The following SPMIP7 variants were observed in gnomAD, a reference collection of about 807,000 sequenced individuals.
The protein encoded by SPMIP7 is sperm microtubule inner protein 7.
chr7:50,112,511 G>C, the SPMIP7 span, among the ~76,000 whole-genome samples: 1 of 64,326 alleles, frequency 1.6e-5, no homozygotes, highest in Non-Finnish European at 3.6e-5. Flanking sequence ...AAGAAAGCAC[G>C]AAAAGAAAAA....
chr7:50,140,098 T>C, the SPMIP7 span: 1 of 1,338,092 alleles, frequency 7.5e-7, no homozygotes, highest in South Asian at 1.4e-5. Flanking sequence ...GTTTATTAAC[T>C]TAATATAAAT....
chr7:50,151,632 A>G, the SPMIP7 span: 1 of 1,008,168 alleles, frequency 9.9e-7, no homozygotes, highest in Admixed American at 3.0e-5. Context: ...TATTCCATTA[A>G]AGAACAATTA....
the SPMIP7 span, among the ~76,000 whole-genome samples, chr7:50,140,445 C>G: frequency 6.6e-6 from 1 of 152,188 alleles, no homozygotes; most frequent in South Asian, 2.1e-4. Flanking sequence ...TTCTGTTTTT[C>G]CAAATACATT....
the SPMIP7 span, among the ~76,000 whole-genome samples, chr7:50,155,323 GTAGACATT>G: frequency 1.4e-3 from 220 of 152,288 alleles, no homozygotes; most frequent in African/African-American, 5.0e-3. Flanking sequence ...GGCAAAGCTG[GTAGACATT>G]TAGACAAGTA....
chr7:50,100,858 A>T, the SPMIP7 span, among the ~76,000 whole-genome samples: 3 of 146,886 alleles, frequency 2.0e-5, no homozygotes, highest in South Asian at 6.5e-4. Context: ...AAAATAAAAT[A>T]AAATCGTTTT....
At chr7:50,125,239 CACATATATACACAT>C in the SPMIP7 span, among the ~76,000 whole-genome samples, 1 of 30,466 alleles carries the variant, frequency 3.3e-5, no homozygotes, top group Non-Finnish European at 7.9e-5. Flanking sequence ...CATATATATA[CACATATATACACAT>C]ATATATACAC....
the SPMIP7 span, among the ~76,000 whole-genome samples, chr7:50,145,484 C>A: frequency 6.7e-6 from 1 of 148,162 alleles, no homozygotes; most frequent in Non-Finnish European, 1.5e-5. Context: ...GATCTCTGTC[C>A]TTTCCCAAGG....
the SPMIP7 span, among the ~76,000 whole-genome samples, chr7:50,145,606 G>GTATGTATATA: frequency 2.6e-5 from 1 of 37,968 alleles, no homozygotes; most frequent in Non-Finnish European, 5.6e-5. Context: ...GTGTGTGTGT[G>GTATGTATATA]TATATGTGTG....
chr7:50,103,966 T>C, the SPMIP7 span, among the ~76,000 whole-genome samples: 1 of 152,260 alleles, frequency 6.6e-6, no homozygotes, highest in African/African-American at 2.4e-5. Flanking sequence ...TTAGGACTTC[T>C]AATCTATCAT....
chr7:50,122,142 T>C, the SPMIP7 span, among the ~76,000 whole-genome samples: 3 of 152,202 alleles, frequency 2.0e-5, no homozygotes, highest in Admixed American at 6.5e-5. Flanking sequence ...CCTTTTAAGG[T>C]TCATATGATT....
the SPMIP7 span, among the ~76,000 whole-genome samples, chr7:50,138,749 T>A: frequency 6.9e-6 from 1 of 145,886 alleles, no homozygotes; most frequent in Non-Finnish European, 1.5e-5. Context: ...CAGTATAAAG[T>A]GACCTTTAAA....
chr7:50,135,745 A>G, the SPMIP7 span, among the ~76,000 whole-genome samples: 8 of 152,204 alleles, frequency 5.3e-5, no homozygotes, highest in African/African-American at 1.9e-4. Context: ...GAAGTGGGAA[A>G]CTGGCCTGGG....
the SPMIP7 span, among the ~76,000 whole-genome samples, chr7:50,102,911 G>T: frequency 1.3e-5 from 2 of 150,230 alleles, no homozygotes; most frequent in African/African-American, 4.9e-5. Flanking sequence ...CAGATGGGTC[G>T]AATAACTCAT....
the SPMIP7 span, among the ~76,000 whole-genome samples, chr7:50,157,705 G>A: frequency 1.3e-5 from 2 of 152,142 alleles, no homozygotes; most frequent in African/African-American, 4.8e-5. Context: ...TGCATTGTGT[G>A]TGTAATTCAG....
At chr7:50,104,075 A>G in the SPMIP7 span, among the ~76,000 whole-genome samples, 1 of 152,198 alleles carries the variant, frequency 6.6e-6, no homozygotes, top group Non-Finnish European at 1.5e-5. Flanking sequence ...CCAAATAGGT[A>G]TCTTCTAATA....
At chr7:50,143,115 T>C in the SPMIP7 span, among the ~76,000 whole-genome samples, 1 of 151,768 alleles carries the variant, frequency 6.6e-6, no homozygotes, top group South Asian at 2.1e-4. Context: ...CACTTAATCA[T>C]GGCTGGGAAA....
the SPMIP7 span, among the ~76,000 whole-genome samples, chr7:50,156,590 C>A: frequency 6.6e-6 from 1 of 151,624 alleles, no homozygotes; most frequent in Admixed American, 6.6e-5. Flanking sequence ...TGCTGGGGCA[C>A]CCAAGGTGAC....
chr7:50,140,163 A>T, the SPMIP7 span: 2 of 1,506,576 alleles, frequency 1.3e-6, no homozygotes, highest in Non-Finnish European at 1.8e-6. Context: ...TCTAGAAGTA[A>T]ATATATTCCT....
the SPMIP7 span, among the ~76,000 whole-genome samples, chr7:50,154,211 G>A: frequency 9.6e-3 from 1,453 of 152,100 alleles, 21 homozygotes; most frequent in African/African-American, 0.032. Context: ...ATCCGTCATC[G>A]CCATAGTTAC....
Sources: gnomAD v4.1 joint callset for allele counts (sites outside exome capture counted in the v4.1 genomes callset) on GRCh38, gnomAD v4.1.1 for gene constraint, MANE v1.5 for transcripts, NCBI Gene and HGNC (gene_info 2026-07-23, HGNC 2026-07-21) for gene names.